RNF32: variants seen among roughly 807,000 people sequenced by gnomAD.
The protein encoded by RNF32 is ring finger protein 32.
RNF32 carries 36 observed loss-of-function variants against 41.0 expected under a neutral mutation model. The observed-to-expected ratio is 0.88, with a 90% CI of 0.67 to 1.16. The LOEUF is 1.16. RNF32 is among the 50% of genes most tolerant of loss of function. The pLI is 0.00. For synonymous variants in RNF32, 154 were observed against 160.9 expected, an observed-to-expected ratio of 0.96 and a Z score of 0.32; for missense variants, 413 against 436.7, an observed-to-expected ratio of 0.95 and a Z score of 0.48.
chr7:156,648,565 T>C (rs554810885), intron 3 of RNF32, among the ~76,000 whole-genome samples: 1 of 152,232 alleles, frequency 6.6e-6, no homozygotes, highest in South Asian at 2.1e-4. Context: ...GTAAAGTTAT[T>C]AAGGAAAATA....
chr7:156,659,489 A>C lies in RNF32; in HGVS notation c.684+919A>C, dbSNP rs1018680791. 5.1e-6 allele frequency: 5 copies of C among 985,206 alleles called. No individual in the cohort carries two copies. In the African/African-American group the frequency reaches 8.7e-5, roughly 17 times the overall value. 61.0% of individuals were successfully genotyped at this position (985,206 alleles called of 1,614,324 possible). ...CAGTTTTTTATCTTCAGTCGTTGACAGTCAGTTGTGTTCTCTGGGCTACTC... is the reference window on the plus strand; with the variant it reads ...CAGTTTTTTATCTTCAGTCGTTGACCGTCAGTTGTGTTCTCTGGGCTACTC... On this transcript the variant is annotated intron_variant, in intron 7 of 8. Coordinates refer to ENST00000317955, the MANE Select transcript of RNF32 (RefSeq NM_030936.4).
chr7:156,662,666 T>C (rs994012672), intron 7 of RNF32, among the ~76,000 whole-genome samples: 3 of 151,926 alleles, frequency 2.0e-5, no homozygotes, highest in African/African-American at 7.3e-5. Flanking sequence ...ATAGAAATCA[T>C]TTTAAAATTA....
At chr7:156,642,376 T>C (rs1797465323) in intron 1 of RNF32, among the ~76,000 whole-genome samples, 1 of 152,194 alleles carries the variant, frequency 6.6e-6, no homozygotes, top group Non-Finnish European at 1.5e-5. Flanking sequence ...TTACCCAATT[T>C]CTGGTGAATC....
At chr7:156,651,544 A>G (rs1798743700) in intron 3 of RNF32, among the ~76,000 whole-genome samples, 1 of 152,138 alleles carries the variant, frequency 6.6e-6, no homozygotes, top group African/African-American at 2.4e-5. Context: ...TAACATGTCT[A>G]CGCTGCTGTT....
At chr7:156,663,070 G>A (rs1241601728) in intron 7 of RNF32, among the ~76,000 whole-genome samples, 3 of 152,004 alleles carry the variant, frequency 2.0e-5, no homozygotes, top group Non-Finnish European at 2.9e-5. Context: ...TCCTGATCTC[G>A]TGATCCACCA....
intron 7 of RNF32, 71 bp from the exon 8 acceptor site, chr7:156,675,625 G>C: frequency 3.0e-6 from 4 of 1,342,416 alleles, no homozygotes; most frequent in Non-Finnish European, 2.1e-6. Flanking sequence ...AGATGGTCAG[G>C]CTCGAGAGCG....
intron 7 of RNF32, 27 bp from the exon 8 acceptor site, chr7:156,675,669 G>A (rs2131755483): frequency 1.9e-6 from 3 of 1,599,844 alleles, no homozygotes; most frequent in Non-Finnish European, 2.6e-6. Context: ...TCAGGTGTGA[G>A]CTTACCCGCC....
At chr7:156,672,738 T>C (rs1024811180) in intron 7 of RNF32, among the ~76,000 whole-genome samples, 12 of 152,242 alleles carry the variant, frequency 7.9e-5, no homozygotes, top group Non-Finnish European at 1.6e-4. Context: ...CATATTTATA[T>C]GTGGCCCGCA....
intron 7 of RNF32, among the ~76,000 whole-genome samples, chr7:156,671,035 G>A (rs567575425): frequency 2.6e-5 from 4 of 152,270 alleles, no homozygotes; most frequent in Non-Finnish European, 5.9e-5. Context: ...TCCTTGTATT[G>A]GTTCGAGGGA....
intron 1 of RNF32, 119 bp from the exon 2 acceptor site, chr7:156,643,682 C>A: frequency 1.6e-6 from 1 of 611,226 alleles, no homozygotes; most frequent in Middle Eastern, 4.4e-4. Context: ...TTAGTGCCAC[C>A]CTGTAGCAGG....
chr7:156,671,348 A>G (rs1802461851), intron 7 of RNF32, among the ~76,000 whole-genome samples: 1 of 152,210 alleles, frequency 6.6e-6, no homozygotes, highest in African/African-American at 2.4e-5. Context: ...GAGTGTGGTA[A>G]CATATTATAT....
chr7:156,655,282 A>G (rs1355894693), intron 4 of RNF32, among the ~76,000 whole-genome samples: 2 of 150,664 alleles, frequency 1.3e-5, no homozygotes, highest in Admixed American at 6.6e-5. Flanking sequence ...GAGAGAATGC[A>G]TATATATATA....
chr7:156,660,295 GT>G (rs1800434392), intron 7 of RNF32: 1 of 983,794 alleles, frequency 1.0e-6, no homozygotes, highest in Non-Finnish European at 1.2e-6. Flanking sequence ...TCTATTGTAT[GT>G]TTAAACAACA....
At chr7:156,661,003 A>G (rs1800574406) in intron 7 of RNF32, among the ~76,000 whole-genome samples, 2 of 152,228 alleles carry the variant, frequency 1.3e-5, no homozygotes, top group African/African-American at 4.8e-5. Flanking sequence ...GTAGGGCTCT[A>G]TCTAAATACT....
At chr7:156,654,488 T>C in intron 3 of RNF32, 88 bp from the exon 4 acceptor site, 1 of 1,142,492 alleles carries the variant, frequency 8.8e-7, no homozygotes, top group Non-Finnish European at 1.3e-6. Flanking sequence ...TCTTTAATCT[T>C]TGTTTGCAAA....
Position 156,644,640 on chromosome 7 carries a change from A to C in RNF32, c.157A>C (p.Lys53Gln). The change falls in exon 3 of 9, where the codon AAA (lysine) becomes CAA (glutamine). Residue 53 changes from lysine (K) to glutamine (Q), a missense_variant. Lys to Gln is a moderately conservative substitution (Grantham distance 53). Coordinates refer to ENST00000317955, the MANE Select transcript of RNF32 (RefSeq NM_030936.4). ...QVQKKENKSL[K>Q]RDTKAIIDTG... ...ACAAAAGAAAGAGAACAAATCTCTA[A>C]AAAGAGATACAAAGGCAATAATAGA... 1 of 1,613,120 alleles carries C rather than the reference A, an allele frequency of 6.2e-7. No individual in the cohort carries two copies. The highest frequency in any genetic ancestry group is 8.5e-7 in the Non-Finnish European group (1 of 1,179,104).
chr7:156,676,332 G>A, intron 8 of RNF32, 87 bp from the exon 9 acceptor site: 3 of 1,613,058 alleles, frequency 1.9e-6, no homozygotes, highest in Non-Finnish European at 8.5e-7. Flanking sequence ...CCATGTCTCG[G>A]GGCACATGGT....
At chr7:156,672,233 A>G (rs1802699279) in intron 7 of RNF32, among the ~76,000 whole-genome samples, 1 of 152,220 alleles carries the variant, frequency 6.6e-6, no homozygotes, top group African/African-American at 2.4e-5. Context: ...TCTTTCAACA[A>G]GTGCCTACTA....
upstream of RNF32, chr7:156,640,669 G>A (rs1045968257): frequency 1.5e-5 from 5 of 341,708 alleles, no homozygotes; most frequent in East Asian, 1.2e-4. Context: ...AGTATGGGGC[G>A]GGGCGGGGCA....
Sources: gnomAD v4.1 joint callset for allele counts (sites outside exome capture counted in the v4.1 genomes callset) on GRCh38, gnomAD v4.1.1 for gene constraint, MANE v1.5 for transcripts, NCBI Gene and HGNC (gene_info 2026-07-23, HGNC 2026-07-21) for gene names.